Variants in BRF1 observed in about 807,000 individuals in gnomAD.
BRF1 encodes transcription factor IIIB 90 kDa subunit.
In BRF1, 59 loss-of-function variants were observed where a neutral mutation model predicts 81.7. The ratio of observed to expected loss-of-function variants is 0.72; its 90% CI spans 0.59 to 0.90. BRF1 has a LOEUF of 0.90. Ranked by LOEUF, BRF1 falls within the 40% of genes least tolerant of loss-of-function variation. The pLI is 0.00. For missense variants in BRF1, 1,050 were observed against 936.3 expected (o/e 1.12, Z -1.58); for synonymous variants, 491 against 395.6 (o/e 1.24, Z -2.86).
chr14:105,222,757 T>C (rs978491735), intron 10 of BRF1, among the ~76,000 whole-genome samples: 1 of 151,982 alleles, frequency 6.6e-6, no homozygotes, highest in Non-Finnish European at 1.5e-5. Context: ...GCCTCCTGAG[T>C]AGCTGGGACT....
Position 105,221,918 on chromosome 14 carries a change from G to C in BRF1, c.1049-4C>G. ...GACGCGGTGTCCTCGGTGGAGCCTA[G>C]GTGTACACAATCCACCTGTTAACCA... On this transcript the variant is annotated splice_polypyrimidine_tract_variant and splice_region_variant and intron_variant, in intron 10 of 17. Coordinates refer to ENST00000547530, the MANE Select transcript of BRF1 (RefSeq NM_001519.4). 2.5e-6 allele frequency: 4 copies of C among 1,573,586 alleles called. No homozygotes were observed. Among genetic ancestry groups the C allele is most frequent in the Middle Eastern group, 3.5e-4 (2 of 5,770 alleles).
chr14:105,247,068 T>TA, intron 5 of BRF1: 2 of 985,446 alleles, frequency 2.0e-6, no homozygotes, highest in Non-Finnish European at 2.4e-6. Flanking sequence ...TTATGCCCGT[T>TA]ACCTTTTTCT....
intron 3 of BRF1, among the ~76,000 whole-genome samples, chr14:105,264,611 G>A (rs2056313302): frequency 6.8e-6 from 1 of 146,680 alleles, no homozygotes; most frequent in African/African-American, 2.5e-5. Context: ...AGCATGCAGT[G>A]AGCCGAGATT....
intron 3 of BRF1, among the ~76,000 whole-genome samples, chr14:105,268,504 C>A: frequency 6.6e-6 from 1 of 152,246 alleles, no homozygotes; most frequent in Non-Finnish European, 1.5e-5. Context: ...TGTGCACAGC[C>A]CCCGGCACTT....
rs369638144 is a variant in BRF1 at position 105,211,203 on chromosome 14, C to T, written c.1915G>A (p.Asp639Asn). The change falls in exon 17 of 18, where the codon GAC (aspartate) becomes AAC (asparagine). Residue 639 changes from aspartate to asparagine, a missense_variant. Asp to Asn is a conservative substitution (Grantham distance 23). This residue lies in a region of BRF1 where 1,043 missense variants were observed against 915.4 expected (regional missense o/e 1.14). Coordinates refer to ENST00000547530, the MANE Select transcript of BRF1 (RefSeq NM_001519.4). ...GGCTCCTCCTCGTCAGCCTCCTCGT[C>T]GGCGTGGTATGACACGGGCCCGCTC... ...VESGPVSYHA[D>N]EEADEEEPDE... 159 of 1,611,888 alleles carry T rather than the reference C, an allele frequency of 9.9e-5. No homozygotes were observed. Among genetic ancestry groups the T allele is most frequent in the Non-Finnish European group, 1.3e-4 (155 of 1,179,882 alleles).
chr14:105,222,539 A>C (rs1180133497), intron 10 of BRF1: 1 of 152,402 alleles, frequency 6.6e-6, no homozygotes, highest in Non-Finnish European at 1.5e-5. Context: ...CTAGCCCTGA[A>C]AAGAAAACCA....
chr14:105,258,721 C>A (rs149145596), intron 3 of BRF1, among the ~76,000 whole-genome samples: 1 of 151,890 alleles, frequency 6.6e-6, no homozygotes, highest in African/African-American at 2.4e-5. Context: ...ATTGCTTGAA[C>A]CCAGGAAGCA....
At position 105,300,494 on chromosome 14, in the gene BRF1, T is replaced by C. The variant is rs587639646; in HGVS notation, c.136A>G (p.Ser46Gly). Residue 46 changes from serine to glycine, a missense_variant, in exon 1 of 18, where the codon AGC becomes GGC. By Grantham distance (56) the Ser-to-Gly change is moderately conservative. Transcript: ENST00000547530. Reference sequence around the variant, plus strand: ...ACGGCCGAGGAGCCGCCGCCGCTGCTCTCCACGAACTGCACCTCGGACACG... The same window carrying C: ...ACGGCCGAGGAGCCGCCGCCGCTGCCCTCCACGAACTGCACCTCGGACACG... ...IIVSEVQFVE[S>G]SGGGSSAVGQ... The C allele has an allele frequency of 5.2e-6, 8 of 1,535,946 alleles. No individual in the cohort carries two copies. In the African/African-American group the frequency reaches 5.6e-5, roughly 11 times the overall value.
intron 5 of BRF1, among the ~76,000 whole-genome samples, chr14:105,243,554 G>A (rs2054868132): frequency 1.3e-5 from 2 of 151,580 alleles, no homozygotes; most frequent in African/African-American, 4.9e-5. Flanking sequence ...GGAGGTTGAG[G>A]CTGCAGTGAG....
At chr14:105,290,627 A>C (rs1038415711) in intron 1 of BRF1, among the ~76,000 whole-genome samples, 2 of 151,936 alleles carry the variant, frequency 1.3e-5, no homozygotes, top group Admixed American at 6.6e-5. Flanking sequence ...TCACTCCTTG[A>C]CCCATACCCA....
chr14:105,228,934 C>A (rs372157591), intron 6 of BRF1, 21 bp from the exon 7 acceptor site: 7 of 1,610,852 alleles, frequency 4.3e-6, no homozygotes, highest in Non-Finnish European at 5.9e-6. Flanking sequence ...ACGAGACGGG[C>A]CTCGTCAACC....
At position 105,219,018 on chromosome 14, in the gene BRF1, C is replaced by G. The variant is rs758305859; in HGVS notation, c.1495G>C (p.Gly499Arg). 1.2e-6 allele frequency: 2 copies of G among 1,613,836 alleles called. No individual in the cohort carries two copies. Among genetic ancestry groups the G allele is most frequent in the Non-Finnish European group, 1.7e-6 (2 of 1,180,002 alleles). Residue 499 changes from glycine to arginine, a missense_variant, in exon 14 of 18, where the codon GGC becomes CGC. Coordinates refer to ENST00000547530, the MANE Select transcript of BRF1 (RefSeq NM_001519.4). Reference sequence around the variant, plus strand: ...CCCACCTTGTGTTCCTTGTAGATGCCGAGCTCCTTCTCTTTCGCTATTCTT... The same window carrying G: ...CCCACCTTGTGTTCCTTGTAGATGCGGAGCTCCTTCTCTTTCGCTATTCTT... ...EARIAKEKEL[G>R]IYKEHKPKKS...
In BRF1 at chr14:105,226,057, C is replaced by T. The variant is rs1893036167; in HGVS notation, c.1048+12G>A. ...TAAAGGTCTGAATAGGGGCCGGGCA[C>T]AGTGGACTCACCATCTTTTGCCAGG... On this transcript the variant is annotated intron_variant, in intron 10 of 17. Transcript: ENST00000547530. 2 of 1,611,696 alleles carry T rather than the reference C, an allele frequency of 1.2e-6. No individual in the cohort carries two copies. The highest frequency in any genetic ancestry group is 2.7e-5 in the African/African-American group (2 of 74,866).
rs144710818 is a variant in BRF1 at position 105,229,533 on chromosome 14, G to C, written c.695-620C>G. ...ATTCCGGAGCTGGGGTAGTTGACCA[G>C]GCCACGGCCACATCCACCCACCAGC... On this transcript the variant is annotated intron_variant, in intron 6 of 17. Coordinates refer to ENST00000547530, the MANE Select transcript of BRF1 (RefSeq NM_001519.4). Among the ~76,000 whole-genome samples, 663 of 152,330 alleles carry C rather than the reference G, an allele frequency of 4.4e-3. 6 individuals are homozygous for C. Among genetic ancestry groups the C allele is most frequent in the African/African-American group, 0.015 (631 of 41,572 alleles).
At chr14:105,314,613 C>T (rs1030154977) in intron 1 of BRF1, 4 of 144,224 alleles carry the variant, frequency 2.8e-5, no homozygotes, top group African/African-American at 5.0e-5. Flanking sequence ...GCGATTGGAC[C>T]CGAGGCGGCG....
intron 2 of BRF1, among the ~76,000 whole-genome samples, chr14:105,280,520 A>G (rs1429306836): frequency 6.6e-6 from 1 of 152,242 alleles, no homozygotes; most frequent in Non-Finnish European, 1.5e-5. Context: ...GTGTGGTGGA[A>G]GCTGCGTGAT....
At chr14:105,224,492 C>G (rs1025595226) in intron 10 of BRF1, among the ~76,000 whole-genome samples, 3 of 152,220 alleles carry the variant, frequency 2.0e-5, no homozygotes, top group African/African-American at 7.2e-5. Context: ...TTACTTTTGC[C>G]TCTGCTTCTT....
At chr14:105,211,521 C>A in intron 16 of BRF1, 1 of 549,616 alleles carries the variant, frequency 1.8e-6, no homozygotes, top group Non-Finnish European at 3.2e-6. Flanking sequence ...TCTGCCAGCC[C>A]CTGCTCCTGT....
chr14:105,229,539 G>T (rs587648130), intron 6 of BRF1, among the ~76,000 whole-genome samples: 1 of 152,190 alleles, frequency 6.6e-6, no homozygotes, highest in Admixed American at 6.5e-5. Context: ...ACCAGGCCAC[G>T]GCCACATCCA....
Sources: gnomAD v4.1 joint callset for allele counts (sites outside exome capture counted in the v4.1 genomes callset) on GRCh38, gnomAD v4.1.1 for gene constraint, gnomAD v4.1.1 regional missense constraint, MANE v1.5 for transcripts, NCBI Gene and HGNC (gene_info 2026-07-23, HGNC 2026-07-21) for gene names.